Variants in PDE4D observed in about 807,000 individuals in gnomAD.
PDE4D encodes 3',5'-cyclic-AMP phosphodiesterase 4D.
A neutral mutation model predicts 87.4 loss-of-function variants in PDE4D; 24 were observed. That is an observed-to-expected ratio of 0.27 (90% confidence interval 0.20 to 0.39). PDE4D has a LOEUF of 0.39. PDE4D is among the 10% of genes least tolerant of loss of function. The pLI is 1.00. For missense variants in PDE4D, 714 were observed against 1,041.0 expected, an observed-to-expected ratio of 0.69 and a Z score of 4.32; for synonymous variants, 384 against 383.2, an observed-to-expected ratio of 1.00 and a Z score of -0.02.
At chr5:60,076,643 A>G (rs1005173476) in intron 2 of PDE4D, among the ~76,000 whole-genome samples, 4 of 150,876 alleles carry the variant, frequency 2.7e-5, no homozygotes, top group Non-Finnish European at 5.9e-5. Context: ...GGGGACTGGT[A>G]TCAGTTCCCA....
chr5:59,835,899 A>G (rs189012235), intron 1 of PDE4D, among the ~76,000 whole-genome samples: 35 of 152,146 alleles, frequency 2.3e-4, no homozygotes, highest in African/African-American at 8.4e-4. Flanking sequence ...TATTATTAAT[A>G]TAATTTGGTA....
intron 1 of PDE4D, among the ~76,000 whole-genome samples, chr5:60,224,487 G>A (rs879768500): frequency 1.3e-5 from 2 of 152,064 alleles, no homozygotes; most frequent in African/African-American, 4.8e-5. Flanking sequence ...GGCTGAACTG[G>A]TTTGGAAATC....
intron 1 of PDE4D, among the ~76,000 whole-genome samples, chr5:60,216,389 T>A (rs901672038): frequency 1.3e-5 from 2 of 152,148 alleles, no homozygotes; most frequent in African/African-American, 4.8e-5. Context: ...TCCCTTCTCT[T>A]GGTAGTGGCA....
At chr5:60,150,379 G>T (rs779946059) in intron 2 of PDE4D, among the ~76,000 whole-genome samples, 1 of 151,914 alleles carries the variant, frequency 6.6e-6, no homozygotes, top group East Asian at 1.9e-4. Flanking sequence ...AATTTTGGGG[G>T]GTCCAATGGG....
intron 1 of PDE4D, among the ~76,000 whole-genome samples, chr5:60,304,692 G>T (rs745516015): frequency 2.7e-4 from 40 of 148,918 alleles, no homozygotes; most frequent in Non-Finnish European, 4.3e-4. Flanking sequence ...AGAGAGAAAA[G>T]GTGAACAGAG....
intron 2 of PDE4D, among the ~76,000 whole-genome samples, chr5:60,062,975 T>C (rs1771590597): frequency 6.6e-6 from 1 of 151,602 alleles, no homozygotes; most frequent in South Asian, 2.1e-4. Flanking sequence ...ATGCAGGGCT[T>C]AAAACCCAGG....
intron 1 of PDE4D, among the ~76,000 whole-genome samples, chr5:59,870,939 AT>A (rs539865822): frequency 2.5e-4 from 38 of 152,256 alleles, no homozygotes; most frequent in African/African-American, 8.7e-4. Context: ...CATGTAATTC[AT>A]TTTTTAAGTT....
At chr5:58,987,798 TA>T (rs1746825300) in intron 11 of PDE4D, among the ~76,000 whole-genome samples, 1 of 152,196 alleles carries the variant, frequency 6.6e-6, no homozygotes, top group East Asian at 1.9e-4. Flanking sequence ...ACTTACCAAT[TA>T]ACTTCAAGTA....
chr5:59,919,662 A>T (rs1199555108), intron 3 of PDE4D, among the ~76,000 whole-genome samples: 1 of 152,178 alleles, frequency 6.6e-6, no homozygotes, highest in Non-Finnish European at 1.5e-5. Flanking sequence ...GTAATCATGC[A>T]CCATCTGTTC....
chr5:59,762,507 T>C (rs1170988103), intron 1 of PDE4D, among the ~76,000 whole-genome samples: 1 of 121,568 alleles, frequency 8.2e-6, no homozygotes, highest in Admixed American at 7.7e-5. Flanking sequence ...TGGGTACACA[T>C]ATGTGTATAT....
intron 1 of PDE4D, among the ~76,000 whole-genome samples, chr5:60,477,114 C>T (rs1213764423): frequency 6.6e-6 from 1 of 152,078 alleles, no homozygotes; most frequent in African/African-American, 2.4e-5. Context: ...GGAAGAAATG[C>T]AAACCTGGAG....
intron 6 of PDE4D, among the ~76,000 whole-genome samples, chr5:59,017,066 A>G (rs1754151217): frequency 2.0e-5 from 3 of 152,206 alleles, no homozygotes; most frequent in Non-Finnish European, 4.4e-5. Flanking sequence ...TTTGGGGCAC[A>G]GCACTCTCAA....
intron 1 of PDE4D, among the ~76,000 whole-genome samples, chr5:59,648,171 T>C (rs1742789562): frequency 6.6e-6 from 1 of 152,272 alleles, no homozygotes; most frequent in South Asian, 2.1e-4. Flanking sequence ...GTTGGTAATG[T>C]CCCAGTCCCA....
At chr5:59,438,492 C>T (rs1490856352) in intron 1 of PDE4D, among the ~76,000 whole-genome samples, 1 of 152,120 alleles carries the variant, frequency 6.6e-6, no homozygotes, top group Non-Finnish European at 1.5e-5. Context: ...AAAAGATGTG[C>T]AAGCATATTT....
intron 6 of PDE4D, among the ~76,000 whole-genome samples, chr5:58,998,089 A>C (rs1749642016): frequency 6.6e-6 from 1 of 152,126 alleles, no homozygotes; most frequent in African/African-American, 2.4e-5. Context: ...TCAGTATTCA[A>C]AGTTATTTAA....
chr5:60,404,366 T>C (rs1436392369), intron 1 of PDE4D, among the ~76,000 whole-genome samples: 2 of 152,184 alleles, frequency 1.3e-5, no homozygotes, highest in African/African-American at 2.4e-5. Flanking sequence ...CTGAATGTAA[T>C]TGAAACTGGA....
chr5:60,072,512 A>G (rs1293841282), intron 2 of PDE4D, among the ~76,000 whole-genome samples: 1 of 152,164 alleles, frequency 6.6e-6, no homozygotes, highest in African/African-American at 2.4e-5. Flanking sequence ...GTATTTAATT[A>G]GATCCCATTT....
chr5:59,265,985 G>A (rs1048106023), intron 1 of PDE4D, among the ~76,000 whole-genome samples: 9 of 152,074 alleles, frequency 5.9e-5, no homozygotes, highest in Non-Finnish European at 1.3e-4. Context: ...TATGACATAA[G>A]TTTAGGAATT....
At chr5:59,473,469 T>C (rs1010510692) in intron 1 of PDE4D, among the ~76,000 whole-genome samples, 10 of 152,108 alleles carry the variant, frequency 6.6e-5, no homozygotes, top group African/African-American at 2.4e-4. Context: ...CCACTCCATA[T>C]AATCCACCAA....
Sources: gnomAD v4.1 joint callset for allele counts (sites outside exome capture counted in the v4.1 genomes callset) on GRCh38, gnomAD v4.1.1 for gene constraint, MANE v1.5 for transcripts, NCBI Gene and HGNC (gene_info 2026-07-23, HGNC 2026-07-21) for gene names.